Variants in PCDH11X observed in about 807,000 individuals in gnomAD.
PCDH11X encodes the protein protocadherin 11 X-linked.
PCDH11X carries 18 observed loss-of-function variants against 53.3 expected under a neutral mutation model. The observed-to-expected ratio is 0.34, with a 90% CI of 0.23 to 0.50. PCDH11X has a LOEUF of 0.50. Among genes scored for constraint, PCDH11X ranks in the 20% least tolerant of loss-of-function variants. The pLI is 0.98. For synonymous variants in PCDH11X, 279 were observed against 393.3 expected, an observed-to-expected ratio of 0.71 and a Z score of 3.44; for missense variants, 570 against 1,032.4, an observed-to-expected ratio of 0.55 and a Z score of 6.14.
chrX:92,269,635 T>C (rs926353323), intron 8 of PCDH11X, among the ~76,000 whole-genome samples: 1 of 111,614 alleles, frequency 9.0e-6, no homozygotes, highest in South Asian at 3.8e-4. Flanking sequence ...TCTTGAAATA[T>C]CTAGCTCTTT....
chrX:92,265,385 G>C (rs1274387138), intron 8 of PCDH11X, among the ~76,000 whole-genome samples: 1 of 110,532 alleles, frequency 9.0e-6, no homozygotes. Context: ...CCGAGCTCAG[G>C]GGCCCGTGGG....
intron 6 of PCDH11X, among the ~76,000 whole-genome samples, chrX:92,111,751 C>CATTTATTT (rs201100000): frequency 1.5e-4 from 16 of 108,782 alleles, no homozygotes; most frequent in African/African-American, 5.1e-4. Flanking sequence ...TCTCATTTTT[C>CATTTATTT]ATTTATTTAT....
At chrX:92,415,038 AAAG>A (rs1460850593) in intron 9 of PCDH11X, among the ~76,000 whole-genome samples, 9 of 111,403 alleles carry the variant, frequency 8.1e-5, no homozygotes, top group South Asian at 3.8e-4. Context: ...TTTGGAGAGA[AAAG>A]AAGGTTTTCT....
chrX:92,535,387 C>T (rs1396182215), intron 10 of PCDH11X, among the ~76,000 whole-genome samples: 5 of 110,923 alleles, frequency 4.5e-5, no homozygotes, highest in African/African-American at 1.6e-4. Flanking sequence ...CAGATGAAGC[C>T]GGAGGCCATT....
intron 6 of PCDH11X, among the ~76,000 whole-genome samples, chrX:92,121,718 C>CTTTA (rs200271556): frequency 0.24 from 25,532 of 107,447 alleles, 2,797 homozygotes; most frequent in East Asian, 0.4. Context: ...ATTGATTTTA[C>CTTTA]TTTATTTATT....
chrX:92,604,129 T>A (rs1926535635), intron 10 of PCDH11X, among the ~76,000 whole-genome samples: 1 of 109,192 alleles, frequency 9.2e-6, no homozygotes, highest in Non-Finnish European at 1.9e-5. Context: ...GATACCAGAT[T>A]ATAACTAGAA....
chrX:92,343,444 G>A (rs995844613), intron 8 of PCDH11X, among the ~76,000 whole-genome samples: 2 of 110,611 alleles, frequency 1.8e-5, no homozygotes, highest in Non-Finnish European at 3.8e-5. Context: ...AAAAAAGGAG[G>A]TAATAATTGT....
Position 92,132,695 on chromosome X carries a change from A to G in PCDH11X, c.3034-68680A>G, listed in dbSNP as rs867026802. ...TATATGTATATATATATGTATATAT[A>G]TATATATATATGTATATGTTTAACT... On this transcript the variant is annotated intron_variant, in intron 6 of 10. Transcript: ENST00000682573. Among the ~76,000 whole-genome samples, 205 of 93,492 alleles carry G rather than the reference A, an allele frequency of 2.2e-3. 3 individuals carry two copies. Among genetic ancestry groups the G allele is most frequent in the African/African-American group, 7.4e-3 (189 of 25,604 alleles). The allele number at this position is 93,492 out of a possible 115,157, so 81.2% of individuals were successfully genotyped here. A position where few individuals can be genotyped will look rare whatever the true frequency, so the allele number is the denominator to read the frequency against.
intron 5 of PCDH11X, among the ~76,000 whole-genome samples, chrX:91,857,103 C>T (rs1268355491): frequency 3.6e-5 from 4 of 111,436 alleles, no homozygotes; most frequent in East Asian, 5.7e-4. Context: ...CACAGTTCCA[C>T]GTGGCTGGAG....
rs191760844 is a variant in PCDH11X at position 92,195,708 on chromosome X, C to T, written c.3034-5667C>T. ...AACCCGGGGTTGAGTCATTTCTAAA[C>T]ATTCCATCCATAGCTATCAAATTGT... On this transcript the variant is annotated intron_variant, in intron 6 of 10. Coordinates refer to ENST00000682573, the MANE Select transcript of PCDH11X (RefSeq NM_032968.5). Among the ~76,000 whole-genome samples the T allele has an allele frequency of 8.2e-4, 92 of 111,833 alleles. No individual in the cohort carries two copies. In the East Asian group the frequency reaches 0.013, roughly 15 times the overall value.
intron 6 of PCDH11X, among the ~76,000 whole-genome samples, chrX:92,001,436 T>A (rs2062506381): frequency 9.2e-6 from 1 of 108,707 alleles, no homozygotes; most frequent in South Asian, 4.0e-4. Flanking sequence ...TTAGATTTTC[T>A]TCCTACAGAG....
chrX:91,949,787 A>G (rs1236527955), intron 6 of PCDH11X, among the ~76,000 whole-genome samples: 3 of 109,678 alleles, frequency 2.7e-5, no homozygotes, highest in Admixed American at 2.0e-4. Flanking sequence ...TCAGATACAA[A>G]CTATAATTAT....
chrX:91,860,823 G>A (rs5984836), intron 5 of PCDH11X, among the ~76,000 whole-genome samples: 13,290 of 111,606 alleles, frequency 0.12, 1,926 homozygotes, highest in African/African-American at 0.41. Flanking sequence ...TGACTTGATC[G>A]TGGTGGATAA....
At chrX:92,274,152 A>G (rs2068025342) in intron 8 of PCDH11X, among the ~76,000 whole-genome samples, 2 of 107,368 alleles carry the variant, frequency 1.9e-5, no homozygotes, top group Admixed American at 1.0e-4. Flanking sequence ...GCGTCTATAC[A>G]GGAGCTTAAA....
In PCDH11X at chrX:92,199,195, A is replaced by G. The variant is rs192885343; in HGVS notation, c.3034-2180A>G. Reference sequence around the variant, plus strand: ...GGAATAATAATAAGATCCAATATCTATCCTTCCTTCTCTTAGAAGTATTAT... The same window carrying G: ...GGAATAATAATAAGATCCAATATCTGTCCTTCCTTCTCTTAGAAGTATTAT... On this transcript the variant is annotated intron_variant, in intron 6 of 10. Coordinates refer to ENST00000682573, the MANE Select transcript of PCDH11X (RefSeq NM_032968.5). Among the ~76,000 whole-genome samples, 10 of 111,975 alleles carry G rather than the reference A, an allele frequency of 8.9e-5. No individual in the cohort carries two copies. The East Asian group carries it at 2.5e-3, about 28-fold the overall frequency.
At chrX:92,525,463 G>A (rs759283922) in intron 10 of PCDH11X, among the ~76,000 whole-genome samples, 6 of 108,111 alleles carry the variant, frequency 5.5e-5, no homozygotes, top group Middle Eastern at 4.6e-3. Context: ...AAACCCCATC[G>A]CTACTAAAAA....
At chrX:92,588,697 T>C (rs1190881333) in intron 10 of PCDH11X, among the ~76,000 whole-genome samples, 2 of 109,255 alleles carry the variant, frequency 1.8e-5, no homozygotes, top group African/African-American at 6.6e-5. Context: ...GTAAGGGGTA[T>C]TGGCCTTAAA....
intron 6 of PCDH11X, among the ~76,000 whole-genome samples, chrX:91,894,477 A>G (rs1291934964): frequency 4.5e-5 from 5 of 111,730 alleles, no homozygotes; most frequent in Non-Finnish European, 9.4e-5. Context: ...GATTTTCTTG[A>G]AGTGCTTCCA....
chrX:92,028,864 C>T (rs2063005157), intron 6 of PCDH11X, among the ~76,000 whole-genome samples: 1 of 111,501 alleles, frequency 9.0e-6, no homozygotes, highest in Non-Finnish European at 1.9e-5. Context: ...ACAGCAATAA[C>T]AGAAACAGCA....
Sources: gnomAD v4.1 joint callset for allele counts (sites outside exome capture counted in the v4.1 genomes callset) on GRCh38, gnomAD v4.1.1 for gene constraint, MANE v1.5 for transcripts, NCBI Gene and HGNC (gene_info 2026-07-23, HGNC 2026-07-21) for gene names.